MROH7: variants seen among roughly 807,000 people sequenced by gnomAD.
MROH7 encodes maestro heat like repeat family member 7, also known as maestro heat-like repeat-containing protein family member 7.
MROH7 carries 113 observed loss-of-function variants against 129.2 expected under a neutral mutation model. That is an observed-to-expected ratio of 0.87 (90% CI 0.75 to 1.02). The LOEUF (loss-of-function observed/expected upper bound fraction) is 1.02. Ranked by LOEUF, MROH7 falls within the 50% of genes least tolerant of loss-of-function variation. MROH7 has a pLI of 0.00. For synonymous variants in MROH7, 655 were observed against 667.9 expected (o/e 0.98, Z 0.30); for missense variants, 1,601 against 1,671.3 (o/e 0.96, Z 0.73).
intron 1 of MROH7, among the ~76,000 whole-genome samples, chr1:54,649,904 T>C (rs1280556762): frequency 6.6e-6 from 1 of 152,150 alleles, no homozygotes; most frequent in Non-Finnish European, 1.5e-5. Flanking sequence ...ACATTCAGGG[T>C]AAAATTGCCT....
chr1:54,688,669 G>A (rs1421917657), intron 15 of MROH7, among the ~76,000 whole-genome samples: 1 of 152,188 alleles, frequency 6.6e-6, no homozygotes, highest in African/African-American at 2.4e-5. Flanking sequence ...GGACCAGATA[G>A]GGTCGCATCC....
In MROH7 at chr1:54,699,159, T is replaced by TTTCTTTCTTTCTTTCTTTCTTTCTTTC. The variant is rs71048705; in HGVS notation, c.2965-1160_2965-1159insCTTTCTTTCTTTCTTTCTTTCTTTCTT. 100 of 65,976 alleles carry TTTCTTTCTTTCTTTCTTTCTTTCTTTC rather than the reference T, an allele frequency of 1.5e-3. 2 individuals are homozygous for TTTCTTTCTTTCTTTCTTTCTTTCTTTC. Among genetic ancestry groups the TTTCTTTCTTTCTTTCTTTCTTTCTTTC allele is most frequent in the African/African-American group, 5.0e-3 (89 of 17,686 alleles). 4.1% of individuals were successfully genotyped at this position (65,976 alleles called of 1,614,324 possible). On this transcript the variant is annotated intron_variant, in intron 17 of 23. Coordinates refer to ENST00000421030, the MANE Select transcript of MROH7 (RefSeq NM_001039464.4). Reference sequence around the variant, plus strand: ...CTTTCTTTCTTTCTTTCTTTCTTTCTTTTCTTTCTTTCTTTCTTTCTTTCT... The same window carrying TTTCTTTCTTTCTTTCTTTCTTTCTTTC: ...CTTTCTTTCTTTCTTTCTTTCTTTCTTTCTTTCTTTCTTTCTTTCTTTCTTTCTTTCTTTCTTTCTTTCTTTCTTTCT...
At chr1:54,690,722 C>A (rs138344773) in intron 15 of MROH7, among the ~76,000 whole-genome samples, 1 of 152,168 alleles carries the variant, frequency 6.6e-6, no homozygotes, top group Non-Finnish European at 1.5e-5. Context: ...GGATTACAGG[C>A]GTGAGCCACA....
rs142592970 is a variant in MROH7 at position 54,695,361 on chromosome 1, C to G, written c.2850-15C>G. The G allele has an allele frequency of 1.9e-5, 29 of 1,553,746 alleles. No homozygotes were observed. Among genetic ancestry groups the G allele is most frequent in the Non-Finnish European group, 2.5e-5 (28 of 1,130,338 alleles). ...CTGGATACCTGAGGGGACTACTCCCCCTTCCCACCCCCAGGGCCATGGTGC... is the reference window on the plus strand; with the variant it reads ...CTGGATACCTGAGGGGACTACTCCCGCTTCCCACCCCCAGGGCCATGGTGC... On this transcript the variant is annotated splice_polypyrimidine_tract_variant and intron_variant, in intron 16 of 23. Transcript: ENST00000421030.
chr1:54,648,515 G>A (rs1210528977), intron 1 of MROH7, among the ~76,000 whole-genome samples: 2 of 151,782 alleles, frequency 1.3e-5, no homozygotes, highest in East Asian at 3.9e-4. Flanking sequence ...ACAGACGGGT[G>A]CCACCATGCC....
At chr1:54,689,381 G>C (rs748889996) in intron 15 of MROH7, among the ~76,000 whole-genome samples, 28 of 152,176 alleles carry the variant, frequency 1.8e-4, no homozygotes, top group Non-Finnish European at 3.2e-4. Flanking sequence ...TGGATATCTG[G>C]CCTCTAGAAC....
intron 22 of MROH7, among the ~76,000 whole-genome samples, chr1:54,708,225 C>A (rs1046140859): frequency 3.9e-5 from 6 of 152,054 alleles, no homozygotes; most frequent in Non-Finnish European, 8.8e-5. Flanking sequence ...TTGAGAGTAG[C>A]CTAAGCAATA....
intron 2 of MROH7, among the ~76,000 whole-genome samples, chr1:54,652,276 T>C (rs1405966318): frequency 6.6e-6 from 1 of 152,190 alleles, no homozygotes; most frequent in Admixed American, 6.6e-5. Context: ...CTTGCAAGGC[T>C]CAGGGCTCCT....
At chr1:54,704,644 T>C (rs1645499000) in intron 21 of MROH7, among the ~76,000 whole-genome samples, 2 of 151,814 alleles carry the variant, frequency 1.3e-5, no homozygotes, top group African/African-American at 2.4e-5. Context: ...GGTTTCACCA[T>C]GTTGGCCAGA....
chr1:54,710,261 C>A lies in MROH7; in HGVS notation c.*74C>A. On this transcript the variant is annotated 3_prime_UTR_variant, in exon 24 of 24. Transcript: ENST00000421030. Reference sequence around the variant, plus strand: ...CTCCCTATAAATGTCATGTGGCTTACCTCTCCATCTTGATTGTTTCCTCCT... The same window carrying A: ...CTCCCTATAAATGTCATGTGGCTTAACTCTCCATCTTGATTGTTTCCTCCT... 6.6e-7 allele frequency: 1 copy of A among 1,525,862 alleles called. No individual in the cohort carries two copies. The highest frequency in any genetic ancestry group is 8.9e-7 in the Non-Finnish European group (1 of 1,124,218). The allele number at this position is 1,525,862 out of a possible 1,614,324, so 94.5% of individuals were successfully genotyped here.
At position 54,673,788 on chromosome 1, in the gene MROH7, C is replaced by G; in HGVS notation, c.1783C>G (p.Leu595Val). 1 of 1,613,952 alleles carries G rather than the reference C, an allele frequency of 6.2e-7. No individual in the cohort carries two copies. Among genetic ancestry groups the G allele is most frequent in the Non-Finnish European group, 8.5e-7 (1 of 1,179,810 alleles). The stretch of plus-strand genomic sequence containing the variant: ...TGTCTCTGTGTTGAACCACATGCTT[C>G]TAACTCTGCCTTTCTTTGTGAGTGG... ...TNVSVLNHML[L>V]TLPFFMPLGF... Residue 595 changes from leucine to valine, a missense_variant, in exon 9 of 24, where the codon CTA (leucine) becomes GTA (valine). Transcript: ENST00000421030.
chr1:54,659,010 A>G (rs1342743025), intron 3 of MROH7: 6 of 329,708 alleles, frequency 1.8e-5, no homozygotes, highest in Non-Finnish European at 3.5e-5. Context: ...GATTTGCATC[A>G]CCATAGACTA....
chr1:54,696,223 C>T (rs1438163618), intron 17 of MROH7, among the ~76,000 whole-genome samples: 8 of 152,088 alleles, frequency 5.3e-5, no homozygotes, highest in Non-Finnish European at 1.0e-4. Flanking sequence ...TTCCCAAGAC[C>T]GCACAGCTTG....
chr1:54,708,112 G>A (rs1645563696), intron 22 of MROH7, among the ~76,000 whole-genome samples: 1 of 152,168 alleles, frequency 6.6e-6, no homozygotes, highest in African/African-American at 2.4e-5. Context: ...AGGACAAATA[G>A]GAATTGCCAG....
rs1309012111 is a variant in MROH7 at position 54,709,038 on chromosome 1, G to A, written c.3692G>A (p.Ser1231Asn). The A allele has an allele frequency of 6.2e-7, 1 of 1,614,196 alleles. No homozygotes were observed. Among genetic ancestry groups the A allele is most frequent in the Non-Finnish European group, 8.5e-7 (1 of 1,180,024 alleles). Residue 1231 changes from serine (S) to asparagine (N), a missense_variant, in exon 23 of 24, where the codon AGC becomes AAC. Transcript: ENST00000421030. Reference protein sequence around the residue: ...FIGSLVPCMESIMTEDRLNEV... With the variant: ...FIGSLVPCMENIMTEDRLNEV... ...GGGTCCCTGGTCCCCTGCATGGAGA[G>A]CATAATGACAGAAGATCGTCTGAAT...
intron 3 of MROH7, chr1:54,663,699 A>AC (rs1644768076): frequency 9.8e-5 from 38 of 388,638 alleles, no homozygotes; most frequent in East Asian, 2.4e-4. Flanking sequence ...AAAAAAAAAA[A>AC]AACAAAAAAA....
chr1:54,696,149 C>T (rs191530308), intron 17 of MROH7, among the ~76,000 whole-genome samples: 98 of 152,200 alleles, frequency 6.4e-4, no homozygotes, highest in Admixed American at 3.4e-3. Flanking sequence ...AATCTTATGA[C>T]GCAGATACTA....
At chr1:54,695,134 T>C (rs541735477) in intron 16 of MROH7, among the ~76,000 whole-genome samples, 86 of 152,306 alleles carry the variant, frequency 5.6e-4, no homozygotes, top group Admixed American at 1.0e-3. Flanking sequence ...GCTCTCTTAC[T>C]GATTTGTGCT....
intron 13 of MROH7, among the ~76,000 whole-genome samples, chr1:54,680,880 C>A (rs1421958299): frequency 2.0e-5 from 3 of 152,158 alleles, no homozygotes; most frequent in Non-Finnish European, 4.4e-5. Flanking sequence ...ATGGTGAGGG[C>A]CCAGCTGGCA....
Sources: allele counts gnomAD v4.1 joint callset (sites outside exome capture counted in the v4.1 genomes callset), GRCh38; gene constraint gnomAD v4.1.1; transcripts MANE v1.5; gene names NCBI Gene and HGNC (gene_info 2026-07-23, HGNC 2026-07-21).